Variants in VAT1L observed in about 807,000 individuals in gnomAD.
VAT1L encodes the protein vesicle amine transport 1 like.
Under a neutral mutation model 44.1 loss-of-function variants are expected in VAT1L, and 34 were observed. The ratio of observed to expected loss-of-function variants is 0.77; its 90% CI spans 0.59 to 1.03. VAT1L has a LOEUF of 1.03. Ranked by LOEUF, VAT1L falls within the 50% of genes least tolerant of loss-of-function variation. The pLI, the probability that VAT1L is intolerant of heterozygous loss-of-function variation, is 0.00. For missense variants in VAT1L, 615 were observed against 538.8 expected, an observed-to-expected ratio of 1.14 and a Z score of -1.40; for synonymous variants, 253 against 202.2, an observed-to-expected ratio of 1.25 and a Z score of -2.13.
intron 7 of VAT1L, among the ~76,000 whole-genome samples, chr16:77,908,536 G>T (rs1444099123): frequency 6.7e-6 from 1 of 149,714 alleles, no homozygotes; most frequent in Non-Finnish European, 1.5e-5. Flanking sequence ...CCCTGTTGGA[G>T]TTCAGAAAAA....
chr16:77,934,205 A>T (rs1486910365), intron 7 of VAT1L, among the ~76,000 whole-genome samples: 1 of 152,076 alleles, frequency 6.6e-6, no homozygotes, highest in Non-Finnish European at 1.5e-5. Context: ...TTATTGGCAG[A>T]TTGGACGTAA....
chr16:77,820,560 C>T (rs1307877130), intron 2 of VAT1L, among the ~76,000 whole-genome samples: 2 of 152,126 alleles, frequency 1.3e-5, no homozygotes, highest in African/African-American at 4.8e-5. Context: ...TCAGGATAGC[C>T]TCCTCTTAGT....
intron 7 of VAT1L, among the ~76,000 whole-genome samples, chr16:77,970,845 C>A (rs1019446286): frequency 6.6e-6 from 1 of 152,198 alleles, no homozygotes; most frequent in Non-Finnish European, 1.5e-5. Flanking sequence ...CAATCAGCCA[C>A]AGGGTGAGTT....
intron 7 of VAT1L, among the ~76,000 whole-genome samples, chr16:77,911,198 A>G (rs1166802808): frequency 6.6e-6 from 1 of 152,238 alleles, no homozygotes; most frequent in Admixed American, 6.5e-5. Context: ...CAGAAGTGCA[A>G]TATCGTTGGT....
chr16:77,889,716 G>C (rs547131322), intron 7 of VAT1L, among the ~76,000 whole-genome samples: 2 of 152,174 alleles, frequency 1.3e-5, no homozygotes, highest in Non-Finnish European at 2.9e-5. Flanking sequence ...AAAACAATTA[G>C]ACAATAACTT....
chr16:77,889,916 A>G (rs1232171363), intron 7 of VAT1L, among the ~76,000 whole-genome samples: 3 of 152,000 alleles, frequency 2.0e-5, no homozygotes, highest in South Asian at 2.1e-4. Context: ...GTGAAGCCCC[A>G]TCTCTACTAA....
chr16:77,962,100 C>T (rs887844014), intron 7 of VAT1L, among the ~76,000 whole-genome samples: 1 of 152,060 alleles, frequency 6.6e-6, no homozygotes, highest in Non-Finnish European at 1.5e-5. Flanking sequence ...AGTCATGCCA[C>T]GTAATCACTG....
chr16:77,957,676 G>T (rs571143073), intron 7 of VAT1L, among the ~76,000 whole-genome samples: 1 of 151,744 alleles, frequency 6.6e-6, no homozygotes, highest in East Asian at 1.9e-4. Context: ...AGTGAGCTGA[G>T]ATCGGGCCAC....
chr16:77,929,696 A>G (rs181595897), intron 7 of VAT1L, among the ~76,000 whole-genome samples: 179 of 152,316 alleles, frequency 1.2e-3, no homozygotes, highest in African/African-American at 4.1e-3. Flanking sequence ...CCCTCACTAC[A>G]TGCTTAAATA....
intron 4 of VAT1L, among the ~76,000 whole-genome samples, chr16:77,873,043 ATG>A (rs2017048391): frequency 6.6e-6 from 1 of 152,180 alleles, no homozygotes. Flanking sequence ...CTCTGAATGT[ATG>A]TGTATTTATT....
intron 7 of VAT1L, among the ~76,000 whole-genome samples, chr16:77,965,480 G>C (rs1799056274): frequency 1.3e-5 from 2 of 152,198 alleles, no homozygotes; most frequent in South Asian, 4.1e-4. Context: ...TTGGCATCTT[G>C]AGGTGCTTGA....
At chr16:77,832,738 G>C (rs2016593889) in intron 3 of VAT1L, among the ~76,000 whole-genome samples, 1 of 152,098 alleles carries the variant, frequency 6.6e-6, no homozygotes, top group Non-Finnish European at 1.5e-5. Context: ...TATTTAAAAG[G>C]ATAAACCACA....
chr16:77,938,477 G>A (rs1204254894), intron 7 of VAT1L, among the ~76,000 whole-genome samples: 1 of 152,202 alleles, frequency 6.6e-6, no homozygotes, highest in African/African-American at 2.4e-5. Context: ...GGGGCTGGGT[G>A]GGAGGTGACT....
At chr16:77,817,302 G>A (rs1285691150) in intron 2 of VAT1L, among the ~76,000 whole-genome samples, 1 of 152,132 alleles carries the variant, frequency 6.6e-6, no homozygotes, top group African/African-American at 2.4e-5. Flanking sequence ...TTCATGTCAT[G>A]CAGCTATTCA....
At chr16:77,894,105 C>T (rs1371258390) in intron 7 of VAT1L, among the ~76,000 whole-genome samples, 1 of 152,160 alleles carries the variant, frequency 6.6e-6, no homozygotes, top group Non-Finnish European at 1.5e-5. Context: ...CTCTCGAGTC[C>T]ATGCTATGGA....
At chr16:77,938,235 T>C (rs2017827892) in intron 7 of VAT1L, among the ~76,000 whole-genome samples, 1 of 152,302 alleles carries the variant, frequency 6.6e-6, no homozygotes, top group South Asian at 2.1e-4. Context: ...CTCTTCTAAA[T>C]GTGTCTTATG....
chr16:77,844,582 T>C (rs1463244391), intron 3 of VAT1L, among the ~76,000 whole-genome samples: 1 of 152,046 alleles, frequency 6.6e-6, no homozygotes, highest in Non-Finnish European at 1.5e-5. Flanking sequence ...CTACTTTTTG[T>C]ATTTTTATTA....
At chr16:77,857,828 A>ATC (rs945986719) in intron 3 of VAT1L, among the ~76,000 whole-genome samples, 1 of 139,406 alleles carries the variant, frequency 7.2e-6, no homozygotes, top group African/African-American at 2.8e-5. Context: ...TACCTATATT[A>ATC]TCTCTCTCTT....
chr16:77,929,084 G>C (rs1193800320), intron 7 of VAT1L, among the ~76,000 whole-genome samples: 1 of 152,134 alleles, frequency 6.6e-6, no homozygotes, highest in Non-Finnish European at 1.5e-5. Flanking sequence ...AAAGTGCTAG[G>C]ATTACAGGTG....
Sources: gnomAD v4.1 joint callset for allele counts (sites outside exome capture counted in the v4.1 genomes callset) on GRCh38, gnomAD v4.1.1 for gene constraint, MANE v1.5 for transcripts, NCBI Gene and HGNC (gene_info 2026-07-23, HGNC 2026-07-21) for gene names.